The following SERPING1 variants were observed in gnomAD, a reference collection of about 807,000 sequenced individuals.
SERPING1 encodes the protein plasma protease C1 inhibitor.
Under a neutral mutation model 34.1 loss-of-function variants are expected in SERPING1, and 5 were observed. The ratio of observed to expected loss-of-function variants is 0.15; its 90% CI spans 0.08 to 0.31. SERPING1 has a LOEUF of 0.31. SERPING1 is among the 10% of genes least tolerant of loss of function. SERPING1 has a pLI of 1.00. For missense variants in SERPING1, 505 were observed against 609.5 expected (o/e 0.83, Z 1.81); for synonymous variants, 225 against 242.4 (o/e 0.93, Z 0.67).
At chr11:57,611,393 T>C (rs1380408848) in intron 6 of SERPING1, 5 of 429,474 alleles carry the variant, frequency 1.2e-5, no homozygotes, top group South Asian at 4.4e-5. Flanking sequence ...ATATACTATA[T>C]GCACAACACA....
At chr11:57,612,405 T>C (rs1379933537) in intron 7 of SERPING1, among the ~76,000 whole-genome samples, 1 of 143,092 alleles carries the variant, frequency 7.0e-6, no homozygotes, top group Non-Finnish European at 1.5e-5. Flanking sequence ...TCCATTTTCT[T>C]TTTTTTTTTT....
chr11:57,602,788 A>AC (rs1491420518), intron 4 of SERPING1, among the ~76,000 whole-genome samples: 20 of 135,578 alleles, frequency 1.5e-4, no homozygotes, highest in East Asian at 1.3e-3. Context: ...AAAAACAAAA[A>AC]AAAAAACAAA....
intron 7 of SERPING1, 84 bp from the exon 8 acceptor site, chr11:57,614,244 C>A: frequency 6.5e-7 from 1 of 1,544,970 alleles, no homozygotes; most frequent in Non-Finnish European, 8.9e-7. Context: ...TCAGGATGAA[C>A]CCAGAGAATT....
At chr11:57,602,994 A>G (rs1052225870) in intron 4 of SERPING1, among the ~76,000 whole-genome samples, 1 of 151,420 alleles carries the variant, frequency 6.6e-6, no homozygotes, top group Non-Finnish European at 1.5e-5. Flanking sequence ...GCACTTTGGG[A>G]GGCTGAGGTG....
Position 57,614,833 on chromosome 11 carries a change from A to T in SERPING1, c.*252A>T. On this transcript the variant is annotated 3_prime_UTR_variant, in exon 8 of 8. Transcript: ENST00000278407. ...AAGTTCACCAGACTCTATAAATAAA[A>T]CCTGACAGACCATGACTTTCTCTGC... 1 of 486,062 alleles carries T rather than the reference A, an allele frequency of 2.1e-6. No homozygotes were observed. The highest frequency in any genetic ancestry group is 3.6e-6 in the Non-Finnish European group (1 of 274,728). 30.1% of individuals were successfully genotyped at this position (486,062 alleles called of 1,614,324 possible).
chr11:57,608,816 GTTT>G (rs368974252), intron 6 of SERPING1, among the ~76,000 whole-genome samples: 1 of 139,902 alleles, frequency 7.1e-6, no homozygotes. Flanking sequence ...CCCAGCCTGA[GTTT>G]TTTTTTTTTT....
chr11:57,612,063 A>G, intron 7 of SERPING1, 127 bp downstream of exon 7: 1 of 811,926 alleles, frequency 1.2e-6, no homozygotes, highest in Admixed American at 2.0e-5. Context: ...GCAACCCTGC[A>G]AGTTAGAGGG....
Position 57,603,838 on chromosome 11 carries a change from C to CA in SERPING1, c.685+1687dup, listed in dbSNP as rs1259067706. On this transcript the variant is annotated intron_variant, in intron 4 of 7. Transcript: ENST00000278407. ...TGGGCAACAGAGCGAGACACCATCT[C>CA]AAAAAAAAAAAAAAAAAATGGGGCG... Among the ~76,000 whole-genome samples the CA allele has an allele frequency of 7.4e-3, 493 of 67,024 alleles. 4 individuals carry two copies. In the Middle Eastern group the frequency reaches 0.086, roughly 12 times the overall value. 44.0% of individuals were successfully genotyped at this position (67,024 alleles called of 152,430 possible). A position where few individuals can be genotyped will look rare whatever the true frequency, so the allele number is the denominator to read the frequency against.
At chr11:57,601,922 T>A in intron 3 of SERPING1, 113 bp from the exon 4 acceptor site, 1 of 815,540 alleles carries the variant, frequency 1.2e-6, no homozygotes, top group Non-Finnish European at 2.0e-6. Context: ...TGATCTGTGA[T>A]CCCCTCCAAA....
intron 4 of SERPING1, among the ~76,000 whole-genome samples, 170 bp downstream of exon 4, chr11:57,602,339 A>G (rs145951476): frequency 1.6e-4 from 25 of 152,356 alleles, no homozygotes; most frequent in Non-Finnish European, 3.1e-4. Context: ...CACTCCAGGA[A>G]CTAGACTGTT....
At chr11:57,598,351 G>T (rs912891412) in intron 2 of SERPING1, 30 bp downstream of exon 2, 1 of 1,547,810 alleles carries the variant, frequency 6.5e-7, no homozygotes, top group Non-Finnish European at 8.7e-7. Flanking sequence ...ATGGGGGACG[G>T]GGGTGGAGAC....
intron 2 of SERPING1, 153 bp from the exon 3 acceptor site, chr11:57,599,726 T>C: frequency 8.7e-6 from 9 of 1,034,072 alleles, no homozygotes; most frequent in Non-Finnish European, 1.3e-5. Flanking sequence ...TGGTGGTGGT[T>C]CTAAGACAGA....
At chr11:57,607,041 G>C (rs1945417666) in intron 6 of SERPING1, among the ~76,000 whole-genome samples, 1 of 152,234 alleles carries the variant, frequency 6.6e-6, no homozygotes, top group Non-Finnish European at 1.5e-5. Flanking sequence ...TGAGTAGGGA[G>C]GGAGAGAAGA....
At chr11:57,600,687 A>G (rs890613758) in intron 3 of SERPING1, among the ~76,000 whole-genome samples, 5 of 152,232 alleles carry the variant, frequency 3.3e-5, no homozygotes, top group African/African-American at 4.8e-5. Context: ...GCAGTGGCTC[A>G]CGCCTGTAAT....
chr11:57,601,855 CAAAAAAAAAAAAAA>C (rs5792050), intron 3 of SERPING1, among the ~76,000 whole-genome samples, 166 bp from the exon 4 acceptor site: 21 of 57,794 alleles, frequency 3.6e-4, no homozygotes, highest in African/African-American at 8.8e-4. Context: ...GACTCTGTCT[CAAAAAAAAAAAAAA>C]AAAAAAAAAA....
chr11:57,611,461 C>G lies in SERPING1; in HGVS notation c.1030-256C>G, dbSNP rs944569449. On this transcript the variant is annotated intron_variant, in intron 6 of 7. Coordinates refer to ENST00000278407, the MANE Select transcript of SERPING1 (RefSeq NM_000062.3). Reference sequence around the variant, plus strand: ...CAAATCACTTGCCCATATTACATAGCTCGTCAGTGGTGGAGTCAGGGTATA... The same window carrying G: ...CAAATCACTTGCCCATATTACATAGGTCGTCAGTGGTGGAGTCAGGGTATA... 9.1e-6 allele frequency: 5 copies of G among 550,252 alleles called. No individual in the cohort carries two copies. In the East Asian group the frequency reaches 1.6e-4, roughly 17 times the overall value. 34.1% of individuals were successfully genotyped at this position (550,252 alleles called of 1,614,324 possible).
rs1325452940 is a variant in SERPING1, at chr11:57,599,865, T to G, written c.52-14T>G. The stretch of plus-strand genomic sequence containing the variant: ...TAGTAAGAAAAAAATGAAACTCAGT[T>G]TCTTGAACCACAGGATAGAGCCTCC... On this transcript the variant is annotated splice_polypyrimidine_tract_variant and intron_variant, in intron 2 of 7. Coordinates refer to ENST00000278407, the MANE Select transcript of SERPING1 (RefSeq NM_000062.3). 1 of 1,614,194 alleles carries G rather than the reference T, an allele frequency of 6.2e-7. No individual in the cohort carries two copies. Among genetic ancestry groups the G allele is most frequent in the South Asian group, 1.1e-5 (1 of 91,080 alleles).
chr11:57,602,239 C>T, intron 4 of SERPING1, 70 bp downstream of exon 4: 1 of 1,572,748 alleles, frequency 6.4e-7, no homozygotes. Context: ...GGACCCAGCG[C>T]TGGGGAAAGA....
chr11:57,606,198 G>A lies in SERPING1; in HGVS notation c.874G>A (p.Ala292Thr), dbSNP rs367707244. The change falls in exon 5 of 8, where the codon GCT (alanine) becomes ACT (threonine). Residue 292 changes from alanine to threonine, a missense_variant. By Grantham distance (58) the Ala-to-Thr change is moderately conservative. Coordinates refer to ENST00000278407, the MANE Select transcript of SERPING1 (RefSeq NM_000062.3). Reference protein sequence around the residue: ...PSDTRLVLLNAIYLSAKWKTT... With the variant: ...PSDTRLVLLNTIYLSAKWKTT... Reference sequence around the variant, plus strand: ...CGATACCCGCCTTGTCCTCCTCAATGCTATCTACCTGAGTGGTAAGGGTGC... The same window carrying A: ...CGATACCCGCCTTGTCCTCCTCAATACTATCTACCTGAGTGGTAAGGGTGC... 5 of 1,614,018 alleles carry A rather than the reference G, an allele frequency of 3.1e-6. No homozygotes were observed. In the African/African-American group the frequency reaches 6.7e-5, roughly 22 times the overall value.
Sources: gnomAD v4.1 joint callset for allele counts (sites outside exome capture counted in the v4.1 genomes callset) on GRCh38, gnomAD v4.1.1 for gene constraint, MANE v1.5 for transcripts, NCBI Gene and HGNC (gene_info 2026-07-23, HGNC 2026-07-21) for gene names.